Variants in CEP170 observed in about 807,000 individuals in gnomAD.
CEP170 encodes the protein centrosomal protein of 170 kDa.
CEP170 carries 21 observed loss-of-function variants against 151.9 expected under a neutral mutation model. The ratio of observed to expected loss-of-function variants is 0.14; its 90% confidence interval spans 0.10 to 0.20. The LOEUF (loss-of-function observed/expected upper bound fraction) is 0.20, where lower values mean the gene tolerates loss of function less well. CEP170 is among the 10% of genes least tolerant of loss of function. The pLI, the probability that CEP170 is intolerant of heterozygous loss-of-function variation, is 1.00. For synonymous variants in CEP170, 356 were observed against 648.8 expected, an observed-to-expected ratio of 0.55 and a Z score of 6.86; for missense variants, 964 against 1,892.9, an observed-to-expected ratio of 0.51 and a Z score of 9.11.
chr1:243,176,746 C>T (rs2059279256), intron 10 of CEP170: 1 of 339,484 alleles, frequency 2.9e-6, no homozygotes, highest in Admixed American at 3.7e-5. Flanking sequence ...ATTACAAAAT[C>T]TGTATGACAG....
At chr1:243,173,729 C>A (rs1318556650) in intron 10 of CEP170, among the ~76,000 whole-genome samples, 1 of 142,704 alleles carries the variant, frequency 7.0e-6, no homozygotes, top group African/African-American at 2.7e-5. Context: ...AAGTGAGACC[C>A]TGTTTCAAAA....
At chr1:243,148,936 A>G (rs1372862874) in intron 14 of CEP170, among the ~76,000 whole-genome samples, 1 of 152,168 alleles carries the variant, frequency 6.6e-6, no homozygotes, top group Non-Finnish European at 1.5e-5. Context: ...ACACTGAGCC[A>G]CAAAAGATTT....
intron 14 of CEP170, among the ~76,000 whole-genome samples, chr1:243,153,259 C>A (rs1174006946): frequency 2.0e-5 from 3 of 152,150 alleles, no homozygotes; most frequent in Non-Finnish European, 4.4e-5. Context: ...GCAATAGAAT[C>A]TACTGGTGAA....
chr1:243,213,020 G>C (rs1210408576), intron 3 of CEP170, among the ~76,000 whole-genome samples: 2 of 152,028 alleles, frequency 1.3e-5, no homozygotes, highest in Admixed American at 1.3e-4. Flanking sequence ...GGTGAGATTA[G>C]TTTTAATATT....
chr1:243,158,100 T>G (rs947385625), intron 13 of CEP170, among the ~76,000 whole-genome samples: 3 of 152,202 alleles, frequency 2.0e-5, no homozygotes, highest in African/African-American at 7.2e-5. Flanking sequence ...TAAAAAAACT[T>G]CTGTGAGTTG....
At chr1:243,211,045 T>G (rs1451046378) in intron 4 of CEP170, among the ~76,000 whole-genome samples, 1 of 151,522 alleles carries the variant, frequency 6.6e-6, no homozygotes, top group African/African-American at 2.4e-5. Context: ...CAAATTGCTA[T>G]GCTTAATACA....
intron 13 of CEP170, 54 bp downstream of exon 13, chr1:243,164,230 G>T: frequency 7.6e-7 from 1 of 1,311,972 alleles, no homozygotes; most frequent in Non-Finnish European, 9.8e-7. Flanking sequence ...AAAAAAAAAG[G>T]AGCCCCCAAA....
At chr1:243,170,623 GTC>G (rs1470010768) in intron 11 of CEP170, among the ~76,000 whole-genome samples, 1 of 151,942 alleles carries the variant, frequency 6.6e-6, no homozygotes, top group African/African-American at 2.4e-5. Flanking sequence ...GCGAAACCTC[GTC>G]TCTACGAAAA....
At chr1:243,215,897 TTC>T (rs1442344966) in intron 3 of CEP170, among the ~76,000 whole-genome samples, 3 of 152,040 alleles carry the variant, frequency 2.0e-5, no homozygotes, top group Non-Finnish European at 4.4e-5. Flanking sequence ...GCTTTAAAAT[TTC>T]TCTCTTTTGT....
intron 10 of CEP170, among the ~76,000 whole-genome samples, chr1:243,175,836 G>C (rs1231675537): frequency 3.3e-5 from 5 of 151,956 alleles, no homozygotes; most frequent in African/African-American, 1.2e-4. Flanking sequence ...TCGCTTTGTC[G>C]CCCAGGCCGG....
intron 3 of CEP170, among the ~76,000 whole-genome samples, chr1:243,219,418 T>G (rs931191582): frequency 1.3e-5 from 2 of 152,222 alleles, no homozygotes; most frequent in African/African-American, 2.4e-5. Context: ...TTTCAAATCC[T>G]GGTCCTGATT....
chr1:243,219,548 T>C (rs2062607265), intron 3 of CEP170, among the ~76,000 whole-genome samples: 1 of 152,250 alleles, frequency 6.6e-6, no homozygotes. Context: ...CTGATTATTT[T>C]TGGAACCAAT....
At chr1:243,142,223 G>A (rs375976886) in intron 15 of CEP170, 93 bp downstream of exon 15, 1 of 1,600,098 alleles carries the variant, frequency 6.2e-7, no homozygotes, top group Non-Finnish European at 8.5e-7. Context: ...CAGGGAGGGT[G>A]GACATAACTG....
At chr1:243,227,165 A>G (rs976784477) in intron 1 of CEP170, among the ~76,000 whole-genome samples, 1 of 151,860 alleles carries the variant, frequency 6.6e-6, no homozygotes, top group African/African-American at 2.4e-5. Flanking sequence ...ATCTTACCAT[A>G]AAAGTCTTTT....
intron 9 of CEP170, 82 bp downstream of exon 9, chr1:243,186,177 C>T: frequency 1.9e-6 from 3 of 1,613,318 alleles, no homozygotes; most frequent in Non-Finnish European, 2.5e-6. Context: ...AAGATTCCCG[C>T]ACTTTGAGTA....
intron 12 of CEP170, among the ~76,000 whole-genome samples, chr1:243,167,895 A>C (rs2058555422): frequency 6.6e-6 from 1 of 151,860 alleles, no homozygotes. Flanking sequence ...CCTCATATAC[A>C]TTCAATATGC....
At chr1:243,154,234 C>T (rs2057362574) in intron 14 of CEP170, among the ~76,000 whole-genome samples, 1 of 152,274 alleles carries the variant, frequency 6.6e-6, no homozygotes, top group Non-Finnish European at 1.5e-5. Flanking sequence ...AATTAAAAAT[C>T]ACTATTATCT....
intron 1 of CEP170, among the ~76,000 whole-genome samples, chr1:243,225,648 T>C (rs1203856358): frequency 6.6e-6 from 1 of 152,210 alleles, no homozygotes; most frequent in Admixed American, 6.5e-5. Flanking sequence ...TAAATGCTCA[T>C]GTTAGCATCA....
At chr1:243,168,897 T>G (rs935857247) in intron 12 of CEP170, among the ~76,000 whole-genome samples, 2 of 151,814 alleles carry the variant, frequency 1.3e-5, no homozygotes, top group Non-Finnish European at 2.9e-5. Flanking sequence ...TCTTTTTCAC[T>G]AAATGTACCA....
Sources: allele counts gnomAD v4.1 joint callset (sites outside exome capture counted in the v4.1 genomes callset), GRCh38; gene constraint gnomAD v4.1.1; transcripts MANE v1.5; gene names NCBI Gene and HGNC (gene_info 2026-07-23, HGNC 2026-07-21).